Variants in BTBD9 observed in about 807,000 individuals in gnomAD.
The protein encoded by BTBD9 is BTB/POZ domain-containing protein 9.
In BTBD9, 49 loss-of-function variants were observed where a neutral mutation model predicts 64.3. That is an observed-to-expected ratio of 0.76 (90% CI 0.61 to 0.97). The LOEUF (loss-of-function observed/expected upper bound fraction) is 0.97, where lower values mean the gene tolerates loss of function less well. BTBD9 is among the 50% of genes least tolerant of loss of function. BTBD9 has a pLI of 0.00. For synonymous variants in BTBD9, 260 were observed against 274.7 expected, an observed-to-expected ratio of 0.95 and a Z score of 0.53; for missense variants, 598 against 762.1, an observed-to-expected ratio of 0.78 and a Z score of 2.53.
At chr6:38,202,188 G>A (rs986275010) in intron 9 of BTBD9, among the ~76,000 whole-genome samples, 3 of 148,520 alleles carry the variant, frequency 2.0e-5, no homozygotes, top group African/African-American at 5.0e-5. Flanking sequence ...AAGCTCAAGC[G>A]ATTCTCCTGC....
intron 9 of BTBD9, among the ~76,000 whole-genome samples, chr6:38,216,718 T>C (rs1327137522): frequency 2.0e-5 from 3 of 152,140 alleles, no homozygotes; most frequent in Non-Finnish European, 4.4e-5. Context: ...AACACCTTCA[T>C]AGTCAGTGAG....
intron 6 of BTBD9, among the ~76,000 whole-genome samples, chr6:38,414,622 C>A (rs745931125): frequency 1.3e-5 from 2 of 152,326 alleles, no homozygotes; most frequent in African/African-American, 4.8e-5. Flanking sequence ...CTTCCACCCC[C>A]ACTACTCCAT....
intron 9 of BTBD9, among the ~76,000 whole-genome samples, chr6:38,211,515 G>C (rs1762834702): frequency 6.6e-6 from 1 of 151,824 alleles, no homozygotes; most frequent in Admixed American, 6.6e-5. Context: ...GGCCTAGGTA[G>C]ATGGATCACT....
intron 7 of BTBD9, among the ~76,000 whole-genome samples, chr6:38,318,935 T>C (rs777747735): frequency 2.0e-4 from 30 of 152,194 alleles, no homozygotes; most frequent in Admixed American, 8.5e-4. Context: ...CTTAGAAATC[T>C]ACCTGGTGCT....
intron 6 of BTBD9, among the ~76,000 whole-genome samples, chr6:38,471,673 C>T (rs1254268549): frequency 1.3e-5 from 2 of 152,130 alleles, no homozygotes; most frequent in African/African-American, 4.8e-5. Flanking sequence ...GTATGAGCCA[C>T]TGTGCCCACC....
At chr6:38,375,931 GA>G (rs1554143839) in intron 6 of BTBD9, among the ~76,000 whole-genome samples, 1 of 133,132 alleles carries the variant, frequency 7.5e-6, no homozygotes, top group African/African-American at 3.0e-5. Flanking sequence ...AAGAAAGAAA[GA>G]AAGAAAGAAG....
intron 7 of BTBD9, among the ~76,000 whole-genome samples, chr6:38,301,196 C>T (rs1175564387): frequency 6.6e-6 from 1 of 152,142 alleles, no homozygotes; most frequent in Non-Finnish European, 1.5e-5. Context: ...AGCCTTGCAT[C>T]CCAGGGATGA....
chr6:38,621,610 G>A (rs1039444461), intron 1 of BTBD9, among the ~76,000 whole-genome samples: 2 of 152,192 alleles, frequency 1.3e-5, no homozygotes, highest in Non-Finnish European at 2.9e-5. Flanking sequence ...AAGAATAAAT[G>A]TGAACACAGA....
chr6:38,417,077 C>A (rs938071694), intron 6 of BTBD9, among the ~76,000 whole-genome samples: 2 of 151,998 alleles, frequency 1.3e-5, no homozygotes, highest in African/African-American at 2.4e-5. Flanking sequence ...GTAGCTAGGA[C>A]TACAGGCACA....
chr6:38,198,682 A>T (rs1400130106), intron 9 of BTBD9, among the ~76,000 whole-genome samples: 5 of 152,234 alleles, frequency 3.3e-5, no homozygotes, highest in Non-Finnish European at 7.3e-5. Context: ...CAGAGACAGG[A>T]AAGTATTTGG....
chr6:38,318,581 C>T (rs1763112978), intron 7 of BTBD9, among the ~76,000 whole-genome samples: 1 of 152,216 alleles, frequency 6.6e-6, no homozygotes. Flanking sequence ...GATTGCCAGA[C>T]AGAGACTCTT....
intron 6 of BTBD9, among the ~76,000 whole-genome samples, chr6:38,360,512 T>C (rs1294373810): frequency 6.6e-6 from 1 of 152,150 alleles, no homozygotes; most frequent in African/African-American, 2.4e-5. Context: ...GTTATATAAA[T>C]TCCACACAAA....
At chr6:38,392,223 G>A (rs1766451065) in intron 6 of BTBD9, among the ~76,000 whole-genome samples, 1 of 151,390 alleles carries the variant, frequency 6.6e-6, no homozygotes, top group African/African-American at 2.4e-5. Flanking sequence ...ATCATCATCA[G>A]ACAGAAAGAG....
chr6:38,252,276 G>A (rs944769194), intron 9 of BTBD9, among the ~76,000 whole-genome samples: 21 of 152,272 alleles, frequency 1.4e-4, no homozygotes, highest in African/African-American at 4.6e-4. Flanking sequence ...ATTTATAACC[G>A]CACGCACTCT....
At chr6:38,310,614 A>C (rs1008816071) in intron 7 of BTBD9, among the ~76,000 whole-genome samples, 1 of 152,158 alleles carries the variant, frequency 6.6e-6, no homozygotes, top group African/African-American at 2.4e-5. Flanking sequence ...AATGACCTAC[A>C]TTCAGTGCTT....
intron 6 of BTBD9, among the ~76,000 whole-genome samples, chr6:38,408,361 C>T (rs76232272): frequency 9.4e-6 from 1 of 105,888 alleles, no homozygotes; most frequent in Non-Finnish European, 1.7e-5. Flanking sequence ...CTAAACAAAA[C>T]AAAACAAAAC....
At chr6:38,533,138 C>T (rs1178371888) in intron 6 of BTBD9, among the ~76,000 whole-genome samples, 2 of 151,260 alleles carry the variant, frequency 1.3e-5, no homozygotes, top group Non-Finnish European at 3.0e-5. Flanking sequence ...ATAAAAAAAA[C>T]AAGACCCAAC....
At chr6:38,514,710 T>C (rs765662291) in intron 6 of BTBD9, among the ~76,000 whole-genome samples, 19 of 152,208 alleles carry the variant, frequency 1.2e-4, no homozygotes, top group Non-Finnish European at 5.9e-5. Context: ...GGTGATGTGC[T>C]TTCAGTGGGT....
chr6:38,566,624 C>T (rs1025735322), intron 6 of BTBD9, among the ~76,000 whole-genome samples: 1 of 152,138 alleles, frequency 6.6e-6, no homozygotes, highest in African/African-American at 2.4e-5. Flanking sequence ...TCGAAATATT[C>T]GTTGACAGCT....
Sources: gnomAD v4.1 joint callset for allele counts (sites outside exome capture counted in the v4.1 genomes callset) on GRCh38, gnomAD v4.1.1 for gene constraint, MANE v1.5 for transcripts, NCBI Gene and HGNC (gene_info 2026-07-23, HGNC 2026-07-21) for gene names.